SLC4A10: variants seen among roughly 807,000 people sequenced by gnomAD.
The protein encoded by SLC4A10 is solute carrier family 4 member 10, also known as sodium-driven chloride bicarbonate exchanger.
Under a neutral mutation model 137.7 loss-of-function variants are expected in SLC4A10, and 42 were observed. That is an observed-to-expected ratio of 0.30 (90% CI 0.24 to 0.39). The LOEUF (loss-of-function observed/expected upper bound fraction) is 0.39. Ranked by LOEUF, SLC4A10 falls within the 10% of genes least tolerant of loss-of-function variation. The probability of loss-of-function intolerance (pLI) is 1.00; values close to 1 mark genes in which losing one functional copy is unlikely to be tolerated. For missense variants in SLC4A10, 925 were observed against 1,355.0 expected (o/e 0.68, Z 4.98); for synonymous variants, 474 against 464.1 (o/e 1.02, Z -0.27).
chr2:161,888,997 G>C (rs145683575), intron 10 of SLC4A10, among the ~76,000 whole-genome samples: 2,055 of 152,234 alleles, frequency 0.013, 24 homozygotes, highest in Non-Finnish European at 0.022. Context: ...AGCAGGAAAG[G>C]GTGTTGAATT....
At chr2:161,928,318 A>T (rs919597915) in intron 15 of SLC4A10, among the ~76,000 whole-genome samples, 1 of 144,214 alleles carries the variant, frequency 6.9e-6, no homozygotes, top group Non-Finnish European at 1.5e-5. Context: ...CGGGAATTGA[A>T]CAATGAGAAC....
chr2:161,749,419 G>T (rs1261630468), intron 1 of SLC4A10, among the ~76,000 whole-genome samples: 1 of 151,822 alleles, frequency 6.6e-6, no homozygotes, highest in African/African-American at 2.4e-5. Flanking sequence ...TTCATAAATG[G>T]CCTTTATTAT....
chr2:161,729,052 C>T (rs907150796), intron 1 of SLC4A10, among the ~76,000 whole-genome samples: 6 of 151,970 alleles, frequency 3.9e-5, no homozygotes, highest in African/African-American at 1.4e-4. Context: ...ACTTCTTCAA[C>T]CTGAAAGGGC....
At chr2:161,697,917 T>C (rs1473266346) in intron 1 of SLC4A10, among the ~76,000 whole-genome samples, 1 of 152,168 alleles carries the variant, frequency 6.6e-6, no homozygotes, top group Non-Finnish European at 1.5e-5. Flanking sequence ...GTTTTCACAA[T>C]ATTGATTTTT....
At chr2:161,671,000 T>C (rs936278448) in intron 1 of SLC4A10, among the ~76,000 whole-genome samples, 3 of 152,146 alleles carry the variant, frequency 2.0e-5, no homozygotes, top group Non-Finnish European at 4.4e-5. Context: ...TTTTCCCCAA[T>C]AATTTGGTAC....
intron 1 of SLC4A10, among the ~76,000 whole-genome samples, chr2:161,754,257 A>G (rs2049336538): frequency 6.6e-6 from 1 of 152,134 alleles, no homozygotes; most frequent in Non-Finnish European, 1.5e-5. Context: ...GTTTAATCTC[A>G]GGGACTATTA....
At position 161,708,932 on chromosome 2, in the gene SLC4A10, T is replaced by C. The variant is rs2043981641; in HGVS notation, c.49-62041T>C. On this transcript the variant is annotated intron_variant, in intron 1 of 26. Coordinates refer to ENST00000446997, the MANE Select transcript of SLC4A10 (RefSeq NM_001178015.2). ...TATTCATTAATGTAATTGTTTATTG[T>C]CAGACTTTCCTTAGGATATTTGAAC... The C allele has an allele frequency of 8.4e-6, 11 of 1,302,880 alleles. No homozygotes were observed. The South Asian group carries it at 1.4e-4, about 17-fold the overall frequency. 80.7% of individuals were successfully genotyped at this position (1,302,880 alleles called of 1,614,324 possible). A position where few individuals can be genotyped will look rare whatever the true frequency, so the allele number is the denominator to read the frequency against.
At chr2:161,866,679 C>T (rs955817425) in intron 6 of SLC4A10, among the ~76,000 whole-genome samples, 3 of 151,388 alleles carry the variant, frequency 2.0e-5, no homozygotes, top group East Asian at 1.9e-4. Flanking sequence ...ATAAATGTAT[C>T]GAAAATATTA....
At chr2:161,662,757 G>GT (rs1361430601) in intron 1 of SLC4A10, among the ~76,000 whole-genome samples, 1 of 152,050 alleles carries the variant, frequency 6.6e-6, no homozygotes, top group African/African-American at 2.4e-5. Context: ...GTTGTGTTTT[G>GT]TTTTACCCAG....
At chr2:161,947,452 A>G (rs915242064) in intron 16 of SLC4A10, 114 bp from the exon 17 acceptor site, 1 of 1,075,992 alleles carries the variant, frequency 9.3e-7, no homozygotes, top group Non-Finnish European at 1.3e-6. Context: ...TGTGAGAGCC[A>G]TAAAGGAAAA....
intron 15 of SLC4A10, 65 bp from the exon 16 acceptor site, chr2:161,942,727 A>G: frequency 2.4e-6 from 3 of 1,229,638 alleles, no homozygotes; most frequent in Non-Finnish European, 3.5e-6. Flanking sequence ...GCCGTTATAC[A>G]TTAGTCTTCG....
intron 15 of SLC4A10, among the ~76,000 whole-genome samples, chr2:161,932,102 C>A (rs1038969488): frequency 2.6e-5 from 4 of 151,750 alleles, no homozygotes; most frequent in Admixed American, 2.6e-4. Context: ...GGTGTTGGGC[C>A]TTTTTTTTCT....
chr2:161,947,804 C>T lies in SLC4A10; in HGVS notation c.2265+77C>T, dbSNP rs1559603428. 7.4e-6 allele frequency: 11 copies of T among 1,480,876 alleles called. No individual in the cohort carries two copies. In the South Asian group the frequency reaches 1.3e-4, roughly 18 times the overall value. 91.7% of individuals were successfully genotyped at this position (1,480,876 alleles called of 1,614,324 possible). On this transcript the variant is annotated intron_variant, in intron 17 of 26. Transcript: ENST00000446997. ...AGAGTAATTGATGTAATAAAAGGAG[C>T]CACTGAAAGGCTTTTGTGTGAGTGA...
chr2:161,814,758 A>C (rs1020991373), intron 3 of SLC4A10, among the ~76,000 whole-genome samples: 2 of 152,096 alleles, frequency 1.3e-5, no homozygotes, highest in African/African-American at 4.8e-5. Context: ...AGACACTGGA[A>C]ACCACCAGAG....
intron 2 of SLC4A10, among the ~76,000 whole-genome samples, chr2:161,793,629 G>A (rs982502993): frequency 4.6e-5 from 7 of 151,856 alleles, no homozygotes; most frequent in South Asian, 2.1e-4. Flanking sequence ...TTCTTAATGC[G>A]TTTCAGGTGG....
Position 161,685,458 on chromosome 2 carries a change from A to G in SLC4A10, c.48+60892A>G, listed in dbSNP as rs139804881. 6.0e-3 allele frequency among the ~76,000 whole-genome samples: 920 copies of G among 152,244 alleles called. 12 individuals are homozygous for G. The highest frequency in any genetic ancestry group is 0.021 in the African/African-American group (887 of 41,536). Reference sequence around the variant, plus strand: ...CCATCTCTACTAAAAATACAAAAAAATTAGCTGGGCATGGTGGCACACACC... The same window carrying G: ...CCATCTCTACTAAAAATACAAAAAAGTTAGCTGGGCATGGTGGCACACACC... On this transcript the variant is annotated intron_variant, in intron 1 of 26. Coordinates refer to ENST00000446997, the MANE Select transcript of SLC4A10 (RefSeq NM_001178015.2).
In SLC4A10 at chr2:161,947,753, A is replaced by G. The variant is rs372946409; in HGVS notation, c.2265+26A>G. 9 of 1,601,298 alleles carry G rather than the reference A, an allele frequency of 5.6e-6. No individual in the cohort carries two copies. The African/African-American group carries it at 1.1e-4, about 19-fold the overall frequency. On this transcript the variant is annotated intron_variant, in intron 17 of 26. Transcript: ENST00000446997. The stretch of plus-strand genomic sequence containing the variant: ...GTACTTAGACTATTTCTTGATCTAA[A>G]TGTAAAATAACATAGGACAAAAGAA...
At chr2:161,803,269 T>C (rs1332308303) in intron 2 of SLC4A10, among the ~76,000 whole-genome samples, 1 of 152,172 alleles carries the variant, frequency 6.6e-6, no homozygotes, top group Non-Finnish European at 1.5e-5. Context: ...ACAGTTCCCA[T>C]GTATTTCCTC....
At chr2:161,786,511 AT>A (rs2053639021) in intron 2 of SLC4A10, among the ~76,000 whole-genome samples, 2 of 150,490 alleles carry the variant, frequency 1.3e-5, no homozygotes, top group Admixed American at 6.6e-5. Context: ...GGATCTTTGG[AT>A]TTTGTACTTA....
Sources: gnomAD v4.1 joint callset for allele counts (sites outside exome capture counted in the v4.1 genomes callset) on GRCh38, gnomAD v4.1.1 for gene constraint, MANE v1.5 for transcripts, NCBI Gene and HGNC (gene_info 2026-07-23, HGNC 2026-07-21) for gene names.